The following WDR4 variants were observed in gnomAD, a reference collection of about 807,000 sequenced individuals.
The protein encoded by WDR4 is WDR4 tRNA N7-guanosine methyltransferase non-catalytic subunit, also known as tRNA (guanine-N(7)-)-methyltransferase non-catalytic subunit WDR4.
A neutral mutation model predicts 48.6 loss-of-function variants in WDR4; 47 were observed. The observed-to-expected ratio is 0.97, with a 90% CI of 0.77 to 1.23. The LOEUF is 1.23. WDR4 is among the 50% of genes most tolerant of loss of function. The pLI, the probability that WDR4 is intolerant of heterozygous loss-of-function variation, is 0.00. For missense variants in WDR4, 606 were observed against 551.6 expected (o/e 1.10, Z -0.99); for synonymous variants, 268 against 230.0 (o/e 1.17, Z -1.49).
intron 9 of WDR4, among the ~76,000 whole-genome samples, chr21:42,853,218 G>A (rs557095851): frequency 1.3e-4 from 20 of 152,208 alleles, no homozygotes; most frequent in African/African-American, 4.6e-4. Flanking sequence ...AGTGCCCCAG[G>A]CCCGAGGCTG....
intron 6 of WDR4, among the ~76,000 whole-genome samples, chr21:42,857,644 A>C (rs1463195362): frequency 1.3e-5 from 2 of 152,228 alleles, no homozygotes; most frequent in Admixed American, 6.5e-5. Context: ...GGCTGCAAAA[A>C]AGAACGTGCC....
chr21:42,877,341 G>A (rs1228199658), intron 1 of WDR4, among the ~76,000 whole-genome samples: 2 of 149,230 alleles, frequency 1.3e-5, no homozygotes, highest in Non-Finnish European at 3.0e-5. Context: ...ACGGGGTTTC[G>A]CCATGTTGGC....
chr21:42,873,259 A>C (rs531173784), intron 3 of WDR4, among the ~76,000 whole-genome samples: 1 of 152,316 alleles, frequency 6.6e-6, no homozygotes, highest in Non-Finnish European at 1.5e-5. Context: ...AGGTGGAGGG[A>C]CCAGCAGCAG....
intron 10 of WDR4, 128 bp downstream of exon 10, chr21:42,852,127 A>T (rs563443856): frequency 1.3e-4 from 128 of 962,532 alleles, no homozygotes; most frequent in African/African-American, 1.2e-3. Context: ...CTGGATGGGG[A>T]CACACGCTTA....
At chr21:42,850,381 G>T in intron 10 of WDR4, 139 bp from the exon 11 acceptor site, 1 of 705,930 alleles carries the variant, frequency 1.4e-6, no homozygotes, top group Non-Finnish European at 2.2e-6. Flanking sequence ...CTTCTGGGAC[G>T]GCTCCCCACG....
At position 42,879,278 on chromosome 21, in the gene WDR4, G is replaced by A. The variant is rs894769540; in HGVS notation, c.89+129C>T. The A allele has an allele frequency of 1.1e-5, 15 of 1,406,276 alleles. No homozygotes were observed. In the African/African-American group the frequency reaches 1.2e-4, roughly 11 times the overall value. The allele number at this position is 1,406,276 out of a possible 1,614,324, so 87.1% of individuals were successfully genotyped here. A position where few individuals can be genotyped will look rare whatever the true frequency, so the allele number is the denominator to read the frequency against. On this transcript the variant is annotated intron_variant, in intron 1 of 10. Transcript: ENST00000398208. ...CGAGACTGCGGCGGAGGACTCGTGGGCTGGAGCGGAGTTCCCCGGGGTCAC... is the reference window on the plus strand; with the variant it reads ...CGAGACTGCGGCGGAGGACTCGTGGACTGGAGCGGAGTTCCCCGGGGTCAC...
At chr21:42,845,276 A>G (rs2057701316), downstream of WDR4, among the ~76,000 whole-genome samples, 1 of 152,258 alleles carries the variant, frequency 6.6e-6, no homozygotes, top group African/African-American at 2.4e-5. Flanking sequence ...AATGTTTGGA[A>G]ATTAAACCAT....
intron 3 of WDR4, among the ~76,000 whole-genome samples, chr21:42,871,122 G>T (rs923790996): frequency 6.6e-6 from 1 of 152,182 alleles, no homozygotes; most frequent in Admixed American, 6.5e-5. Flanking sequence ...ACAAAAGGAC[G>T]ACTCTGTGAG....
downstream of WDR4, among the ~76,000 whole-genome samples, chr21:42,846,096 G>T (rs903829286): frequency 6.6e-6 from 1 of 152,106 alleles, no homozygotes; most frequent in Non-Finnish European, 1.5e-5. Flanking sequence ...CTGCACTCCA[G>T]CCTGGGTAAC....
At chr21:42,882,548 G>T (rs373161438), upstream of WDR4, among the ~76,000 whole-genome samples, 17 of 151,378 alleles carry the variant, frequency 1.1e-4, no homozygotes, top group African/African-American at 3.9e-4. Flanking sequence ...GGCAACAAGG[G>T]TGAAACTCCA....
chr21:42,850,936 C>T (rs1051473190), intron 10 of WDR4, among the ~76,000 whole-genome samples: 14 of 152,204 alleles, frequency 9.2e-5, no homozygotes, highest in Non-Finnish European at 2.1e-4. Context: ...AACCCGCGCA[C>T]CAGCGACTGC....
chr21:42,855,507 C>T (rs910460496), intron 7 of WDR4, among the ~76,000 whole-genome samples, 175 bp downstream of exon 7: 3 of 152,362 alleles, frequency 2.0e-5, no homozygotes, highest in Admixed American at 2.0e-4. Context: ...AAATTATTTC[C>T]CACTGACATG....
At chr21:42,852,895 A>G (rs1569314013) in intron 9 of WDR4, among the ~76,000 whole-genome samples, 1 of 148,360 alleles carries the variant, frequency 6.7e-6, no homozygotes, top group Non-Finnish European at 1.5e-5. Context: ...AGCCTGGGCA[A>G]CACGAGCAAA....
chr21:42,855,300 C>A (rs1242692014), intron 7 of WDR4, among the ~76,000 whole-genome samples: 1 of 152,174 alleles, frequency 6.6e-6, no homozygotes, highest in Non-Finnish European at 1.5e-5. Context: ...GGAAACTTTG[C>A]CAAGGCCTGG....
upstream of WDR4, chr21:42,883,610 G>A (rs76081677): frequency 0.056 from 8,656 of 153,744 alleles, 353 homozygotes; most frequent in Non-Finnish European, 0.088. Flanking sequence ...GAGAAGAGAA[G>A]GGAGAAGACA....
intron 1 of WDR4, chr21:42,878,945 G>C: frequency 1.0e-6 from 1 of 988,888 alleles, no homozygotes; most frequent in Non-Finnish European, 1.2e-6. Context: ...GAGGGAGCGC[G>C]CTTGGAGGTC....
chr21:42,844,528 G>A, downstream of WDR4, among the ~76,000 whole-genome samples: 1 of 152,344 alleles, frequency 6.6e-6, no homozygotes, highest in East Asian at 1.9e-4. Flanking sequence ...CGCCAGGACT[G>A]AGACAACAAA....
chr21:42,850,803 G>A (rs969153646), intron 10 of WDR4, among the ~76,000 whole-genome samples: 3 of 152,170 alleles, frequency 2.0e-5, no homozygotes, highest in South Asian at 2.1e-4. Context: ...ATGTTCTGCC[G>A]CCACAGGGAA....
chr21:42,859,612 C>CCCCCCCGCCCCAAAAAA, intron 6 of WDR4, 50 bp downstream of exon 6: 1 of 772,126 alleles, frequency 1.3e-6, no homozygotes, highest in Non-Finnish European at 1.9e-6. Context: ...CCCCACCCTC[C>CCCCCCCGCCCCAAAAAA]CTGCAGGCTC....
Sources: gnomAD v4.1 joint callset for allele counts (sites outside exome capture counted in the v4.1 genomes callset) on GRCh38, gnomAD v4.1.1 for gene constraint, MANE v1.5 for transcripts, NCBI Gene and HGNC (gene_info 2026-07-23, HGNC 2026-07-21) for gene names.